Variants in PRKD1 observed in about 807,000 individuals in gnomAD.
The protein encoded by PRKD1 is serine/threonine-protein kinase D1.
Under a neutral mutation model 95.9 loss-of-function variants are expected in PRKD1, and 63 were observed. That is an observed-to-expected ratio of 0.66 (90% CI 0.54 to 0.81). The LOEUF (loss-of-function observed/expected upper bound fraction) is 0.81. Ranked by LOEUF, PRKD1 falls within the 30% of genes least tolerant of loss-of-function variation. The pLI is 0.00. For synonymous variants in PRKD1, 425 were observed against 423.1 expected, an observed-to-expected ratio of 1.00 and a Z score of -0.05; for missense variants, 1,048 against 1,165.3, an observed-to-expected ratio of 0.90 and a Z score of 1.47.
intron 2 of PRKD1, among the ~76,000 whole-genome samples, chr14:29,703,092 A>G (rs998291682): frequency 3.3e-5 from 5 of 151,994 alleles, no homozygotes; most frequent in Admixed American, 3.3e-4. Context: ...TTTTCCCCAT[A>G]GGTTTTTGAC....
rs532904574 is a variant in PRKD1 at position 29,581,411 on chromosome 14, A to T, written c.2435-3051T>A. Among the ~76,000 whole-genome samples, 11 of 152,232 alleles carry T rather than the reference A, an allele frequency of 7.2e-5. No individual in the cohort carries two copies. In the East Asian group the frequency reaches 2.1e-3, roughly 29 times the overall value. On this transcript the variant is annotated intron_variant, in intron 16 of 17. Coordinates refer to ENST00000331968, the MANE Select transcript of PRKD1 (RefSeq NM_002742.3). ...ACATTCATATTCTTATTTAGTCCTTATAACAACCCCCTGAAAGTAGTTATT... is the reference window on the plus strand; with the variant it reads ...ACATTCATATTCTTATTTAGTCCTTTTAACAACCCCCTGAAAGTAGTTATT...
rs531006391 is a variant in PRKD1 at position 29,747,360 on chromosome 14, T to C, written c.265-21686A>G. Among the ~76,000 whole-genome samples the C allele has an allele frequency of 1.6e-4, 25 of 152,238 alleles. No individual in the cohort carries two copies. In the East Asian group the frequency reaches 4.1e-3, roughly 25 times the overall value. ...GTACATTGCTGATAGAAGAGTAAAA[T>C]AGTTCCAACCATTATGAAAAATAAT... On this transcript the variant is annotated intron_variant, in intron 1 of 17. Transcript: ENST00000331968.
intron 1 of PRKD1, among the ~76,000 whole-genome samples, chr14:29,728,765 A>G: frequency 6.6e-6 from 1 of 152,156 alleles, no homozygotes; most frequent in South Asian, 2.1e-4. Context: ...CAGTGGGTAC[A>G]TGCTTCCGTT....
rs181936398 is a variant in PRKD1, at chr14:29,900,204, A to G, written c.264+27045T>C. 3.3e-5 allele frequency among the ~76,000 whole-genome samples: 5 copies of G among 152,348 alleles called. No individual in the cohort carries two copies. In the East Asian group the frequency reaches 9.6e-4, roughly 29 times the overall value. The stretch of plus-strand genomic sequence containing the variant: ...ACTCCCATAACAATCCTAAATGTCT[A>G]CTGCACAGACGTTTATTATCCTTAC... On this transcript the variant is annotated intron_variant, in intron 1 of 17. Coordinates refer to ENST00000331968, the MANE Select transcript of PRKD1 (RefSeq NM_002742.3).
chr14:29,630,314 A>G (rs746172131), intron 10 of PRKD1, among the ~76,000 whole-genome samples: 1 of 151,826 alleles, frequency 6.6e-6, no homozygotes, highest in Non-Finnish European at 1.5e-5. Context: ...TAATTTTTGT[A>G]TTTTTTGTAG....
chr14:29,769,715 C>T (rs1888418672), intron 1 of PRKD1, among the ~76,000 whole-genome samples: 1 of 152,166 alleles, frequency 6.6e-6, no homozygotes, highest in South Asian at 2.1e-4. Context: ...ACCACATACA[C>T]ATGCATATAC....
chr14:29,900,824 G>GACT (rs1256514755), intron 1 of PRKD1, among the ~76,000 whole-genome samples: 2 of 151,998 alleles, frequency 1.3e-5, no homozygotes, highest in Non-Finnish European at 1.5e-5. Flanking sequence ...AACAACTTTA[G>GACT]AAAGTCAAAA....
At chr14:29,767,952 A>G (rs969320874) in intron 1 of PRKD1, among the ~76,000 whole-genome samples, 1 of 152,228 alleles carries the variant, frequency 6.6e-6, no homozygotes, top group Non-Finnish European at 1.5e-5. Flanking sequence ...AGAGGTAAAT[A>G]GGTTAACATT....
chr14:29,639,149 C>T (rs1289844417), intron 4 of PRKD1, among the ~76,000 whole-genome samples: 1 of 151,606 alleles, frequency 6.6e-6, no homozygotes, highest in Non-Finnish European at 1.5e-5. Flanking sequence ...AACATGATTT[C>T]TAGGTCTTTC....
rs1884805396 is a variant in PRKD1, at chr14:29,700,978, GCGCGCGCGCGCACACACACACACACA to G, written c.403+24532_403+24557del. On this transcript the variant is annotated intron_variant, in intron 2 of 17. Coordinates refer to ENST00000331968, the MANE Select transcript of PRKD1 (RefSeq NM_002742.3). Reference sequence around the variant, plus strand: ...CATTTGTGTGTACGCGTGCGCATGCGCGCGCGCGCGCACACACACACACACACACCCTGTTGTGTGTGGGAACTCTG... The same window carrying G: ...CATTTGTGTGTACGCGTGCGCATGCGCACCCTGTTGTGTGTGGGAACTCTG... 1.2e-4 allele frequency among the ~76,000 whole-genome samples: 4 copies of G among 33,022 alleles called. No homozygotes were observed. The South Asian group carries it at 5.6e-3, about 46-fold the overall frequency. The allele number at this position is 33,022 out of a possible 152,430, so 21.7% of individuals were successfully genotyped here.
At chr14:29,632,053 G>A (rs1880043176) in intron 9 of PRKD1, among the ~76,000 whole-genome samples, 2 of 151,724 alleles carry the variant, frequency 1.3e-5, no homozygotes, top group South Asian at 4.2e-4. Context: ...CACCTGCCTC[G>A]GCCTCCCAAA....
chr14:29,901,801 C>T (rs1367177963), intron 1 of PRKD1, among the ~76,000 whole-genome samples: 4 of 152,076 alleles, frequency 2.6e-5, no homozygotes. Flanking sequence ...TTATTTTGAT[C>T]CTTACAACAA....
At chr14:29,851,313 T>C in intron 1 of PRKD1, among the ~76,000 whole-genome samples, 1 of 152,014 alleles carries the variant, frequency 6.6e-6, no homozygotes, top group East Asian at 1.9e-4. Flanking sequence ...GAGAAAATAT[T>C]CACAAACTGT....
At chr14:29,866,456 T>C (rs963655368) in intron 1 of PRKD1, among the ~76,000 whole-genome samples, 2 of 152,228 alleles carry the variant, frequency 1.3e-5, no homozygotes, top group Admixed American at 1.3e-4. Flanking sequence ...TCCTAAGATA[T>C]TTTATTGAGA....
intron 1 of PRKD1, among the ~76,000 whole-genome samples, chr14:29,792,809 C>A (rs757814392): frequency 1.3e-5 from 2 of 151,878 alleles, no homozygotes; most frequent in Non-Finnish European, 2.9e-5. Flanking sequence ...GGAAACTAGA[C>A]GGAAAAAATA....
chr14:29,801,774 C>T (rs535596813), intron 1 of PRKD1, among the ~76,000 whole-genome samples: 8 of 152,200 alleles, frequency 5.3e-5, no homozygotes, highest in Admixed American at 2.6e-4. Context: ...TCGCAACCTC[C>T]GCCTCCCAGG....
chr14:29,788,024 T>C lies in PRKD1; in HGVS notation c.265-62350A>G, dbSNP rs181469361. Among the ~76,000 whole-genome samples, 13 of 152,306 alleles carry C rather than the reference T, an allele frequency of 8.5e-5. No individual in the cohort carries two copies. In the East Asian group the frequency reaches 2.5e-3, roughly 29 times the overall value. ...TCTGCAATACCAGTGAGTTGTATAC[T>C]TTCATATGTTTTCATGTGGTAGATA... On this transcript the variant is annotated intron_variant, in intron 1 of 17. Coordinates refer to ENST00000331968, the MANE Select transcript of PRKD1 (RefSeq NM_002742.3).
chr14:29,807,054 T>A (rs1594536156), intron 1 of PRKD1, among the ~76,000 whole-genome samples: 1 of 151,796 alleles, frequency 6.6e-6, no homozygotes, highest in African/African-American at 2.4e-5. Context: ...AAAAAAAAAA[T>A]ACTTTATTGC....
chr14:29,672,041 T>C (rs775912606), intron 2 of PRKD1, among the ~76,000 whole-genome samples: 4 of 151,908 alleles, frequency 2.6e-5, no homozygotes, highest in Admixed American at 2.6e-4. Context: ...ATGTCAAAGG[T>C]GGAGATATCA....
Sources: allele counts gnomAD v4.1 joint callset (sites outside exome capture counted in the v4.1 genomes callset), GRCh38; gene constraint gnomAD v4.1.1; transcripts MANE v1.5; gene names NCBI Gene and HGNC (gene_info 2026-07-23, HGNC 2026-07-21).